SMAP1: variants seen among roughly 807,000 people sequenced by gnomAD.
The protein encoded by SMAP1 is stromal membrane-associated protein 1.
In SMAP1, 24 loss-of-function variants were observed where a neutral mutation model predicts 58.5. That is an observed-to-expected ratio of 0.41 (90% CI 0.30 to 0.58). SMAP1 has a LOEUF of 0.58. SMAP1 is among the 20% of genes least tolerant of loss of function. The pLI is 0.29. For missense variants in SMAP1, 563 were observed against 566.3 expected, an observed-to-expected ratio of 0.99 and a Z score of 0.06; for synonymous variants, 216 against 196.6, an observed-to-expected ratio of 1.10 and a Z score of -0.82.
At chr6:70,764,901 G>T (rs886732145) in intron 3 of SMAP1, among the ~76,000 whole-genome samples, 1 of 152,148 alleles carries the variant, frequency 6.6e-6, no homozygotes, top group Non-Finnish European at 1.5e-5. Context: ...CCAGGCTCAG[G>T]TGATCCTTCC....
intron 2 of SMAP1, among the ~76,000 whole-genome samples, chr6:70,738,063 G>A (rs1334543243): frequency 6.6e-6 from 1 of 152,154 alleles, no homozygotes; most frequent in Non-Finnish European, 1.5e-5. Context: ...CTCTTAACTG[G>A]AATGGTTTGT....
At chr6:70,704,263 T>G (rs1767750078) in intron 1 of SMAP1, among the ~76,000 whole-genome samples, 1 of 152,216 alleles carries the variant, frequency 6.6e-6, no homozygotes, top group Non-Finnish European at 1.5e-5. Flanking sequence ...ACTATTGATG[T>G]TACTAGTACT....
intron 6 of SMAP1, among the ~76,000 whole-genome samples, chr6:70,826,701 C>T (rs1211677178): frequency 4.6e-5 from 7 of 151,924 alleles, no homozygotes; most frequent in Middle Eastern, 3.4e-3. Context: ...GGCTTCAGTG[C>T]GTGGTGATTG....
intron 1 of SMAP1, among the ~76,000 whole-genome samples, chr6:70,680,032 G>A (rs1175666524): frequency 1.3e-5 from 2 of 152,090 alleles, no homozygotes; most frequent in Non-Finnish European, 2.9e-5. Flanking sequence ...TCCAGAAATA[G>A]ACTCACATAT....
intron 1 of SMAP1, among the ~76,000 whole-genome samples, chr6:70,670,508 A>G (rs983062370): frequency 6.6e-6 from 1 of 152,158 alleles, no homozygotes; most frequent in African/African-American, 2.4e-5. Context: ...TTTTAGTAGA[A>G]TTCTTGGCTT....
intron 6 of SMAP1, among the ~76,000 whole-genome samples, chr6:70,804,455 G>A (rs913288387): frequency 6.6e-6 from 1 of 151,896 alleles, no homozygotes; most frequent in Admixed American, 6.6e-5. Context: ...TATCCAGTTT[G>A]CCAGTCTGTG....
rs7760896 is a variant in SMAP1, at chr6:70,748,521, C to T, written c.253-6459C>T. ...GAATGTATTTTGAGTGTAAGATCTGCTTGGATGAGATTTTTTAAAATATAT... is the reference window on the plus strand; with the variant it reads ...GAATGTATTTTGAGTGTAAGATCTGTTTGGATGAGATTTTTTAAAATATAT... On this transcript the variant is annotated intron_variant, in intron 2 of 10. Coordinates refer to ENST00000370455, the MANE Select transcript of SMAP1 (RefSeq NM_001044305.3). Among the ~76,000 whole-genome samples, 308 of 152,048 alleles carry T rather than the reference C, an allele frequency of 2.0e-3. 1 individual carries two copies. The highest frequency in any genetic ancestry group is 7.1e-3 in the African/African-American group (294 of 41,488).
intron 2 of SMAP1, among the ~76,000 whole-genome samples, chr6:70,749,586 A>T (rs978373991): frequency 6.6e-6 from 1 of 151,766 alleles, no homozygotes; most frequent in African/African-American, 2.4e-5. Flanking sequence ...TTTTTCCCCC[A>T]CTTACCTCAT....
chr6:70,785,484 A>T (rs980583402), intron 4 of SMAP1, among the ~76,000 whole-genome samples: 1 of 152,230 alleles, frequency 6.6e-6, no homozygotes, highest in Admixed American at 6.5e-5. Context: ...AGACACAAAA[A>T]ACCCTTCAAA....
At chr6:70,683,673 C>T (rs1317584210) in intron 1 of SMAP1, among the ~76,000 whole-genome samples, 2 of 151,988 alleles carry the variant, frequency 1.3e-5, no homozygotes, top group Non-Finnish European at 2.9e-5. Flanking sequence ...CCCATAAGAC[C>T]GTGAATAAGT....
intron 10 of SMAP1, 173 bp downstream of exon 10, chr6:70,858,402 G>GATAGACA (rs1038965682): frequency 1.8e-6 from 1 of 558,894 alleles, no homozygotes; most frequent in Non-Finnish European, 2.9e-6. Flanking sequence ...AGTTGTATCA[G>GATAGACA]ATAGACAAAT....
chr6:70,717,922 ATTTTAGTGTTG>A (rs767959379), intron 1 of SMAP1, among the ~76,000 whole-genome samples: 10 of 152,288 alleles, frequency 6.6e-5, no homozygotes, highest in Middle Eastern at 6.8e-3. Context: ...TTATATATCT[ATTTTAGTGTTG>A]TTCATTGGGA....
intron 6 of SMAP1, among the ~76,000 whole-genome samples, chr6:70,823,726 G>GT (rs1438906658): frequency 1.3e-5 from 2 of 151,650 alleles, no homozygotes; most frequent in African/African-American, 2.4e-5. Context: ...TTGTTAGGCT[G>GT]TTTTTTAATT....
intron 5 of SMAP1, among the ~76,000 whole-genome samples, chr6:70,792,550 G>A (rs1471652175): frequency 6.6e-6 from 1 of 151,970 alleles, no homozygotes; most frequent in Non-Finnish European, 1.5e-5. Flanking sequence ...GGCTGTGATT[G>A]AGGTACGCTC....
intron 6 of SMAP1, among the ~76,000 whole-genome samples, chr6:70,815,987 A>G (rs1237107507): frequency 6.6e-6 from 1 of 152,132 alleles, no homozygotes; most frequent in Non-Finnish European, 1.5e-5. Flanking sequence ...AGAAAGAACT[A>G]GTGATTAAAA....
chr6:70,755,981 T>C (rs868609439), intron 3 of SMAP1, among the ~76,000 whole-genome samples: 45 of 151,996 alleles, frequency 3.0e-4, no homozygotes, highest in Admixed American at 7.2e-4. Flanking sequence ...CCTTTATGAG[T>C]GGATAGAATT....
rs753765287 is a variant in SMAP1, at chr6:70,856,951, A to C, written c.882A>C (p.Glu294Asp). The change falls in exon 9 of 11, where the codon GAA (glutamate) becomes GAC (aspartate). Residue 294 changes from glutamate (E) to aspartate (D), a missense_variant. Physicochemically the swap from Glu to Asp is conservative, Grantham distance 45 (BLOSUM62 2). Transcript: ENST00000370455. The part of the protein sequence containing the change: ...LFTEQTTKSE[E>D]VAKKQLSKDS... ...CTGAGCAAACTACAAAATCAGAAGA[A>C]GTGGCAAAGAAACAACTTTCCAAAG... The C allele has an allele frequency of 1.3e-5, 21 of 1,613,918 alleles. No individual in the cohort carries two copies. In the African/African-American group the frequency reaches 2.3e-4, roughly 17 times the overall value.
intron 1 of SMAP1, among the ~76,000 whole-genome samples, chr6:70,678,603 T>C (rs1766576664): frequency 6.6e-6 from 1 of 152,208 alleles, no homozygotes; most frequent in South Asian, 2.1e-4. Context: ...CAATACCAAT[T>C]TATCATTTTA....
intron 4 of SMAP1, among the ~76,000 whole-genome samples, chr6:70,775,086 T>A (rs1235535597): frequency 6.6e-6 from 1 of 152,108 alleles, no homozygotes; most frequent in Non-Finnish European, 1.5e-5. Context: ...TGTGTAGCAT[T>A]GGAGCTGCAT....
Sources: allele counts gnomAD v4.1 joint callset (sites outside exome capture counted in the v4.1 genomes callset), GRCh38; gene constraint gnomAD v4.1.1; transcripts MANE v1.5; gene names NCBI Gene and HGNC (gene_info 2026-07-23, HGNC 2026-07-21).